Variants in ZNF277 observed in about 807,000 individuals in gnomAD.
ZNF277 encodes the protein nuclear receptor-interacting factor 4.
A neutral mutation model predicts 60.7 loss-of-function variants in ZNF277; 55 were observed. The observed-to-expected ratio is 0.91, with a 90% confidence interval of 0.73 to 1.13. ZNF277 has a LOEUF of 1.13. ZNF277 is among the 50% of genes most tolerant of loss of function. The pLI is 0.00. For missense variants in ZNF277, 510 were observed against 523.0 expected (o/e 0.98, Z 0.24); for synonymous variants, 178 against 179.3 (o/e 0.99, Z 0.06).
intron 1 of ZNF277, among the ~76,000 whole-genome samples, chr7:112,258,970 A>C (rs1444125901): frequency 6.6e-6 from 1 of 152,014 alleles, no homozygotes; most frequent in South Asian, 2.1e-4. Context: ...TGAAAAGCTA[A>C]ATTATTAATA....
intron 1 of ZNF277, among the ~76,000 whole-genome samples, chr7:112,284,418 G>GTAAAATA (rs1415562069): frequency 6.6e-6 from 1 of 152,114 alleles, no homozygotes; most frequent in Non-Finnish European, 1.5e-5. Flanking sequence ...ACTAGTGGAT[G>GTAAAATA]TAAAATACTA....
At chr7:112,242,041 A>G (rs1487002837) in intron 1 of ZNF277, among the ~76,000 whole-genome samples, 1 of 152,082 alleles carries the variant, frequency 6.6e-6, no homozygotes, top group Non-Finnish European at 1.5e-5. Context: ...CTTGAGGTGA[A>G]TGGATATCCC....
chr7:112,318,367 T>C, intron 5 of ZNF277, 94 bp downstream of exon 5: 1 of 1,158,538 alleles, frequency 8.6e-7, no homozygotes, highest in East Asian at 2.4e-5. Context: ...AAGTTCTATG[T>C]GTTGGCTCAG....
In ZNF277 at chr7:112,206,783, A is replaced by G; in HGVS notation, c.67A>G (p.Thr23Ala). The stretch of plus-strand genomic sequence containing the variant: ...GGAAGACCGTGATGGGAGCTGCAGC[A>G]CAGTCGGGGGTGTAGGTTATGGGGG... ...MQEDRDGSCS[T>A]VGGVGYGDSK... The change falls in exon 1 of 12, where the codon ACA becomes GCA. Residue 23 changes from threonine (T) to alanine (A), a missense_variant. Coordinates refer to ENST00000361822, the MANE Select transcript of ZNF277 (RefSeq NM_021994.3). The G allele has an allele frequency of 6.2e-7, 1 of 1,613,318 alleles. No homozygotes were observed. Among genetic ancestry groups the G allele is most frequent in the Non-Finnish European group, 8.5e-7 (1 of 1,179,714 alleles).
chr7:112,297,729 T>C (rs148053000), intron 4 of ZNF277, among the ~76,000 whole-genome samples: 87 of 152,344 alleles, frequency 5.7e-4, no homozygotes, highest in African/African-American at 2.0e-3. Context: ...ATGGATGTTA[T>C]TTGCGTGCAC....
chr7:112,294,064 G>C (rs1792271290), intron 2 of ZNF277, among the ~76,000 whole-genome samples: 1 of 152,196 alleles, frequency 6.6e-6, no homozygotes, highest in Admixed American at 6.5e-5. Context: ...AGGTTCTACT[G>C]TGTTCCTTCA....
At chr7:112,296,912 A>ATTTAT (rs1563219694) in intron 4 of ZNF277, among the ~76,000 whole-genome samples, 11 of 39,666 alleles carry the variant, frequency 2.8e-4, no homozygotes, top group Non-Finnish European at 4.0e-4. Context: ...TTATTTATTT[A>ATTTAT]TTTTTTTTTT....
chr7:112,309,626 T>C (rs575107171), intron 4 of ZNF277, among the ~76,000 whole-genome samples: 3 of 151,998 alleles, frequency 2.0e-5, no homozygotes, highest in South Asian at 4.2e-4. Context: ...CATATACTTA[T>C]TATATACCCA....
At chr7:112,244,042 TCAGAAA>T (rs2116998904) in intron 1 of ZNF277, among the ~76,000 whole-genome samples, 1 of 152,136 alleles carries the variant, frequency 6.6e-6, no homozygotes, top group African/African-American at 2.4e-5. Flanking sequence ...CTGAAATAAC[TCAGAAA>T]CAGAAAGTCA....
chr7:112,212,228 C>A (rs570239968), intron 1 of ZNF277, among the ~76,000 whole-genome samples: 3 of 152,260 alleles, frequency 2.0e-5, no homozygotes, highest in African/African-American at 7.2e-5. Context: ...ACTGAATGAC[C>A]TACCACATGG....
At chr7:112,268,283 C>A (rs867439045) in intron 1 of ZNF277, among the ~76,000 whole-genome samples, 2 of 151,376 alleles carry the variant, frequency 1.3e-5, no homozygotes, top group South Asian at 4.1e-4. Context: ...CACACACACA[C>A]AAAACACAGC....
At chr7:112,226,977 T>C (rs959565209) in intron 1 of ZNF277, among the ~76,000 whole-genome samples, 3 of 152,182 alleles carry the variant, frequency 2.0e-5, no homozygotes, top group African/African-American at 7.2e-5. Context: ...GGATTCTCAC[T>C]TACATTAAAT....
intron 1 of ZNF277, among the ~76,000 whole-genome samples, chr7:112,281,662 C>T (rs1457309102): frequency 1.3e-5 from 2 of 152,100 alleles, no homozygotes; most frequent in Admixed American, 1.3e-4. Flanking sequence ...GAGAAAGTTC[C>T]CCTAAAGACA....
chr7:112,322,233 T>C (rs1395659192), intron 5 of ZNF277, among the ~76,000 whole-genome samples: 1 of 150,780 alleles, frequency 6.6e-6, no homozygotes, highest in Admixed American at 6.6e-5. Context: ...ACATTATTTC[T>C]TTAAATGTTG....
chr7:112,232,342 G>A (rs28571988), intron 1 of ZNF277, among the ~76,000 whole-genome samples: 1,897 of 152,142 alleles, frequency 0.012, 49 homozygotes, highest in African/African-American at 0.043. Flanking sequence ...TTCTAATAAA[G>A]TAGTATGGCT....
intron 1 of ZNF277, among the ~76,000 whole-genome samples, chr7:112,261,455 A>G (rs1233909921): frequency 6.6e-6 from 1 of 152,126 alleles, no homozygotes; most frequent in Non-Finnish European, 1.5e-5. Context: ...TGTTTTTCAG[A>G]TTAAGAAAAC....
At chr7:112,261,057 G>C (rs1791427222) in intron 1 of ZNF277, among the ~76,000 whole-genome samples, 1 of 152,206 alleles carries the variant, frequency 6.6e-6, no homozygotes, top group Admixed American at 6.5e-5. Context: ...TCTTGCTTCA[G>C]TGGTTCTGTT....
At chr7:112,279,039 G>A (rs762727339) in intron 1 of ZNF277, among the ~76,000 whole-genome samples, 1 of 151,882 alleles carries the variant, frequency 6.6e-6, no homozygotes, top group East Asian at 1.9e-4. Context: ...TATCTTCAAG[G>A]TTCATTCCTT....
In ZNF277 at chr7:112,246,358, C is replaced by G. The variant is rs1394202479; in HGVS notation, c.91+39551C>G. ...GCAGTGAGCCGTGATCATGCCACTG[C>G]ACTCCAGCCTCGCGACAGAGCAAGA... On this transcript the variant is annotated intron_variant, in intron 1 of 11. Transcript: ENST00000361822. Among the ~76,000 whole-genome samples the G allele has an allele frequency of 2.6e-5, 4 of 152,138 alleles. No individual in the cohort carries two copies. In the East Asian group the frequency reaches 7.7e-4, roughly 29 times the overall value.
Sources: allele counts gnomAD v4.1 joint callset (sites outside exome capture counted in the v4.1 genomes callset), GRCh38; gene constraint gnomAD v4.1.1; transcripts MANE v1.5; gene names NCBI Gene and HGNC (gene_info 2026-07-23, HGNC 2026-07-21).